REDIC1: variants seen among roughly 807,000 people sequenced by gnomAD.
The protein encoded by REDIC1 is regulator of DNA class I crossover intermediates 1.
chr12:39,709,213 C>T, the REDIC1 span, among the ~76,000 whole-genome samples: 1 of 139,216 alleles, frequency 7.2e-6, no homozygotes, highest in Non-Finnish European at 1.5e-5. Context: ...GGATTTGGGG[C>T]TTAGACTTAT....
chr12:39,712,485 TATA>T, the REDIC1 span, among the ~76,000 whole-genome samples: 4 of 142,796 alleles, frequency 2.8e-5, no homozygotes, highest in East Asian at 4.1e-4. Context: ...TACATACAGG[TATA>T]TATACGACGT....
the REDIC1 span, among the ~76,000 whole-genome samples, chr12:39,704,623 G>A: frequency 0.68 from 103,422 of 151,738 alleles, 36,352 homozygotes; most frequent in Non-Finnish European, 0.77. Flanking sequence ...ACATGCACAC[G>A]TATGTTTATT....
At chr12:39,747,951 C>T in the REDIC1 span, among the ~76,000 whole-genome samples, 2,573 of 152,246 alleles carry the variant, frequency 0.017, 67 homozygotes, top group African/African-American at 0.057. Flanking sequence ...AAGGAACAAC[C>T]GGTACCAGCC....
the REDIC1 span, among the ~76,000 whole-genome samples, chr12:39,694,731 TGG>T: frequency 8.3e-6 from 1 of 120,602 alleles, no homozygotes; most frequent in Non-Finnish European, 1.9e-5. Flanking sequence ...GACCGTGGAC[TGG>T]GGGTGGCACG....
the REDIC1 span, among the ~76,000 whole-genome samples, chr12:39,807,947 G>A: frequency 6.6e-6 from 1 of 152,060 alleles, no homozygotes; most frequent in Admixed American, 6.6e-5. Flanking sequence ...TATAATTCTT[G>A]GAAGTCAAGA....
the REDIC1 span, chr12:39,684,904 T>A: frequency 6.2e-7 from 1 of 1,612,634 alleles, no homozygotes; most frequent in Non-Finnish European, 8.5e-7. Context: ...CTCTAAGCAG[T>A]CATGGGACTT....
chr12:39,853,982 G>A, the REDIC1 span, among the ~76,000 whole-genome samples: 3 of 151,944 alleles, frequency 2.0e-5, no homozygotes, highest in East Asian at 3.8e-4. Flanking sequence ...TAAAATCCTA[G>A]TGTTTAAATA....
chr12:39,750,318 C>T, the REDIC1 span, among the ~76,000 whole-genome samples: 4 of 152,078 alleles, frequency 2.6e-5, no homozygotes, highest in Non-Finnish European at 5.9e-5. Flanking sequence ...TTCACAATTG[C>T]TACAAAGAGA....
At chr12:39,706,716 A>C in the REDIC1 span, among the ~76,000 whole-genome samples, 3 of 152,168 alleles carry the variant, frequency 2.0e-5, no homozygotes, top group South Asian at 6.2e-4. Context: ...ATTTCCAGTG[A>C]ACTCATTTTT....
At chr12:39,780,335 T>A in the REDIC1 span, among the ~76,000 whole-genome samples, 1 of 152,180 alleles carries the variant, frequency 6.6e-6, no homozygotes, top group Non-Finnish European at 1.5e-5. Context: ...TGGAAACCTC[T>A]CTTGAGGTGT....
At chr12:39,888,063 G>A in the REDIC1 span, among the ~76,000 whole-genome samples, 1 of 152,178 alleles carries the variant, frequency 6.6e-6, no homozygotes, top group Admixed American at 6.6e-5. Context: ...CTGACAGATT[G>A]ATTGCACTGA....
At chr12:39,849,788 C>T in the REDIC1 span, among the ~76,000 whole-genome samples, 2 of 152,022 alleles carry the variant, frequency 1.3e-5, no homozygotes, top group Non-Finnish European at 1.5e-5. Context: ...TCTTTTAAGG[C>T]TTTAATATTT....
the REDIC1 span, among the ~76,000 whole-genome samples, chr12:39,707,425 A>G: frequency 6.6e-6 from 1 of 152,000 alleles, no homozygotes; most frequent in Non-Finnish European, 1.5e-5. Context: ...ATAAATTAGT[A>G]CAACCACTAT....
the REDIC1 span, among the ~76,000 whole-genome samples, chr12:39,690,394 T>C: frequency 6.6e-6 from 1 of 152,038 alleles, no homozygotes; most frequent in Non-Finnish European, 1.5e-5. Flanking sequence ...GGGAACGTAT[T>C]CACCAGAGAA....
At chr12:39,634,588 A>G in the REDIC1 span, among the ~76,000 whole-genome samples, 3 of 152,206 alleles carry the variant, frequency 2.0e-5, no homozygotes, top group Admixed American at 2.0e-4. Context: ...AGCCATATGT[A>G]GAAAGCTGAA....
chr12:39,648,951 A>G, the REDIC1 span, among the ~76,000 whole-genome samples: 1 of 151,850 alleles, frequency 6.6e-6, no homozygotes, highest in Non-Finnish European at 1.5e-5. Context: ...TAAAGGCCCA[A>G]TAATTTTTGA....
At chr12:39,799,952 G>A in the REDIC1 span, among the ~76,000 whole-genome samples, 3 of 152,180 alleles carry the variant, frequency 2.0e-5, no homozygotes, top group Non-Finnish European at 4.4e-5. Context: ...TGTTCCCCAT[G>A]TGCAGTGGAG....
the REDIC1 span, among the ~76,000 whole-genome samples, chr12:39,772,322 G>C: frequency 3.9e-5 from 6 of 152,156 alleles, no homozygotes; most frequent in South Asian, 2.1e-4. Context: ...TCCATATAGG[G>C]TTGTTACAAA....
At chr12:39,796,422 T>TAA in the REDIC1 span, among the ~76,000 whole-genome samples, 29 of 117,602 alleles carry the variant, frequency 2.5e-4, no homozygotes, top group African/African-American at 6.3e-4. Flanking sequence ...GGACCCATCT[T>TAA]AAAAAAAAAA....
Sources: gnomAD v4.1 joint callset for allele counts (sites outside exome capture counted in the v4.1 genomes callset) on GRCh38, gnomAD v4.1.1 for gene constraint, MANE v1.5 for transcripts, NCBI Gene and HGNC (gene_info 2026-07-23, HGNC 2026-07-21) for gene names.